The following PPA2 variants were observed in gnomAD, a reference collection of about 807,000 sequenced individuals.
PPA2 encodes inorganic pyrophosphatase 2, mitochondrial.
In PPA2, 48 loss-of-function variants were observed where a neutral mutation model predicts 49.5. That is an observed-to-expected ratio of 0.97 (90% CI 0.77 to 1.23). PPA2 has a LOEUF of 1.23. Ranked by LOEUF, PPA2 falls within the 50% of genes most tolerant of loss-of-function variation. PPA2 has a pLI of 0.00. For synonymous variants in PPA2, 131 were observed against 139.9 expected, an observed-to-expected ratio of 0.94 and a Z score of 0.45; for missense variants, 429 against 410.1, an observed-to-expected ratio of 1.05 and a Z score of -0.40.
rs551409357 is a variant in PPA2 at position 105,463,444 on chromosome 4, T to A, written c.158-6699A>T. On this transcript the variant is annotated intron_variant, in intron 1 of 11. Coordinates refer to ENST00000341695, the MANE Select transcript of PPA2 (RefSeq NM_176869.3). ...ATTCAGAGCATAAAAGTTTGGAAAA[T>A]TTGTGGCCTGACAATGTGAGAGAAA... Among the ~76,000 whole-genome samples, 6 of 152,206 alleles carry A rather than the reference T, an allele frequency of 3.9e-5. No individual in the cohort carries two copies. In the South Asian group the frequency reaches 1.2e-3, roughly 32 times the overall value.
chr4:105,446,670 T>A (rs987166553), intron 4 of PPA2, among the ~76,000 whole-genome samples, 168 bp from the exon 5 acceptor site: 3 of 152,314 alleles, frequency 2.0e-5, no homozygotes, highest in East Asian at 1.9e-4. Context: ...TACTAATTTA[T>A]AGCACTATAT....
At chr4:105,453,728 A>G (rs1471951054) in intron 2 of PPA2, 86 bp from the exon 3 acceptor site, 11 of 1,036,946 alleles carry the variant, frequency 1.1e-5, no homozygotes, top group Admixed American at 4.8e-5. Flanking sequence ...TGACTATTGT[A>G]TAGACATTCT....
At chr4:105,441,834 T>C (rs1487728037) in intron 5 of PPA2, among the ~76,000 whole-genome samples, 1 of 152,190 alleles carries the variant, frequency 6.6e-6, no homozygotes, top group Non-Finnish European at 1.5e-5. Context: ...TTACAATCTA[T>C]AAGTAATGGC....
intron 1 of PPA2, among the ~76,000 whole-genome samples, chr4:105,462,436 T>C (rs1723132160): frequency 6.6e-6 from 1 of 152,246 alleles, no homozygotes; most frequent in African/African-American, 2.4e-5. Context: ...TAATAGTTTC[T>C]ACCTCTCCCC....
At chr4:105,456,882 A>T in intron 1 of PPA2, 137 bp from the exon 2 acceptor site, 1 of 587,690 alleles carries the variant, frequency 1.7e-6, no homozygotes, top group African/African-American at 1.9e-5. Flanking sequence ...CCCAACTTAA[A>T]GTTAATTCAA....
At position 105,380,793 on chromosome 4, in the gene PPA2, CTA is replaced by C. The variant is rs553200496; in HGVS notation, c.939+5772_939+5773del. Among the ~76,000 whole-genome samples, 63 of 152,116 alleles carry C rather than the reference CTA, an allele frequency of 4.1e-4. 1 individual carries two copies. In the South Asian group the frequency reaches 0.012, roughly 30 times the overall value. ...TAAAAAAATACATAAATGGTACATA[CTA>C]TATGTGTCCTGCTTTTTCACCCAGT... On this transcript the variant is annotated intron_variant, in intron 10 of 11. Transcript: ENST00000341695.
chr4:105,390,475 A>C (rs1170082733), intron 9 of PPA2, among the ~76,000 whole-genome samples: 2 of 147,858 alleles, frequency 1.4e-5, no homozygotes, highest in South Asian at 2.2e-4. Flanking sequence ...GAAAAAAAAA[A>C]CCCATCAAAA....
intron 4 of PPA2, among the ~76,000 whole-genome samples, chr4:105,447,729 CTTTTTTCTTTTT>C (rs965853609): frequency 1.5e-5 from 2 of 134,908 alleles, no homozygotes; most frequent in Non-Finnish European, 3.2e-5. Flanking sequence ...AGTTAGTTTT[CTTTTTTCTTTTT>C]TTTTTTTTTT....
intron 5 of PPA2, chr4:105,446,108 TA>T (rs1722369671): frequency 3.7e-6 from 1 of 266,776 alleles, no homozygotes; most frequent in Non-Finnish European, 6.9e-6. Flanking sequence ...CACTGACACT[TA>T]ATAGGCAAGA....
At chr4:105,445,523 C>T (rs1051270954) in intron 5 of PPA2, among the ~76,000 whole-genome samples, 2 of 151,982 alleles carry the variant, frequency 1.3e-5, no homozygotes, top group South Asian at 4.1e-4. Context: ...TTATTCTACA[C>T]GGGCAGCTGC....
At chr4:105,426,156 T>C (rs72950537) in intron 6 of PPA2, among the ~76,000 whole-genome samples, 5,015 of 152,254 alleles carry the variant, frequency 0.033, 277 homozygotes, top group African/African-American at 0.11. Flanking sequence ...ATATATGTTT[T>C]ATATATATAC....
chr4:105,386,442 G>T, intron 10 of PPA2, 125 bp downstream of exon 10: 1 of 680,806 alleles, frequency 1.5e-6, no homozygotes, highest in Non-Finnish European at 2.3e-6. Context: ...ATTTCAAGGT[G>T]ATCTGTAAAC....
chr4:105,457,356 C>A (rs1722914325), intron 1 of PPA2, among the ~76,000 whole-genome samples: 1 of 152,154 alleles, frequency 6.6e-6, no homozygotes, highest in Non-Finnish European at 1.5e-5. Flanking sequence ...AAACACAATG[C>A]CTTGTAAATA....
At chr4:105,435,522 A>G (rs1724012644) in intron 6 of PPA2, among the ~76,000 whole-genome samples, 1 of 152,108 alleles carries the variant, frequency 6.6e-6, no homozygotes, top group Non-Finnish European at 1.5e-5. Context: ...TAAACCTAAG[A>G]ACCTGAGAAA....
intron 5 of PPA2, among the ~76,000 whole-genome samples, chr4:105,445,091 T>G (rs929962285): frequency 2.0e-5 from 3 of 152,192 alleles, no homozygotes; most frequent in Non-Finnish European, 2.9e-5. Flanking sequence ...CCATCTGTCT[T>G]TATATACCCA....
chr4:105,389,646 T>C (rs924928066), intron 9 of PPA2, among the ~76,000 whole-genome samples: 1 of 150,184 alleles, frequency 6.7e-6, no homozygotes, highest in Non-Finnish European at 1.5e-5. Flanking sequence ...ATAAAAATAA[T>C]AAAGTATATT....
chr4:105,453,222 T>C (rs757160022), intron 3 of PPA2, among the ~76,000 whole-genome samples: 3 of 152,146 alleles, frequency 2.0e-5, no homozygotes, highest in South Asian at 2.1e-4. Flanking sequence ...GAAAGTAGAA[T>C]AGTGCTTCCC....
At chr4:105,435,407 A>C (rs1159533943) in intron 6 of PPA2, among the ~76,000 whole-genome samples, 1 of 152,164 alleles carries the variant, frequency 6.6e-6, no homozygotes, top group Non-Finnish European at 1.5e-5. Flanking sequence ...CACTTGAGAG[A>C]TGCTATGCAA....
intron 10 of PPA2, among the ~76,000 whole-genome samples, chr4:105,374,189 A>G (rs1733143768): frequency 1.3e-5 from 2 of 152,218 alleles, no homozygotes; most frequent in Non-Finnish European, 2.9e-5. Flanking sequence ...GTAGGAAAAG[A>G]ATGTGGACAT....
Sources: gnomAD v4.1 joint callset for allele counts (sites outside exome capture counted in the v4.1 genomes callset) on GRCh38, gnomAD v4.1.1 for gene constraint, MANE v1.5 for transcripts, NCBI Gene and HGNC (gene_info 2026-07-23, HGNC 2026-07-21) for gene names.